The following ZC3H12C variants were observed in gnomAD, a reference collection of about 807,000 sequenced individuals.
The protein encoded by ZC3H12C is probable ribonuclease ZC3H12C.
ZC3H12C carries 20 observed loss-of-function variants against 76.3 expected under a neutral mutation model. The observed-to-expected ratio is 0.26, with a 90% CI of 0.18 to 0.38. ZC3H12C has a LOEUF of 0.38. Ranked by LOEUF, ZC3H12C falls within the 10% of genes least tolerant of loss-of-function variation. ZC3H12C has a pLI of 1.00. For synonymous variants in ZC3H12C, 352 were observed against 399.6 expected, an observed-to-expected ratio of 0.88 and a Z score of 1.42; for missense variants, 874 against 1,086.5, an observed-to-expected ratio of 0.80 and a Z score of 2.75.
At chr11:110,110,542 G>T (rs1861407122) in intron 1 of ZC3H12C, among the ~76,000 whole-genome samples, 1 of 152,184 alleles carries the variant, frequency 6.6e-6, no homozygotes, top group Non-Finnish European at 1.5e-5. Context: ...TGGATGGAAT[G>T]AATAAACTGC....
chr11:110,107,847 G>C (rs1861359306), intron 1 of ZC3H12C, among the ~76,000 whole-genome samples: 1 of 151,912 alleles, frequency 6.6e-6, no homozygotes, highest in Non-Finnish European at 1.5e-5. Flanking sequence ...ATTTTTTGTA[G>C]AGACAAGGTT....
chr11:110,165,022 G>T lies in ZC3H12C; in HGVS notation c.1937G>T (p.Arg646Leu). 1.2e-6 allele frequency: 2 copies of T among 1,613,930 alleles called. No homozygotes were observed. The highest frequency in any genetic ancestry group is 1.6e-4 in the Middle Eastern group (1 of 6,062). ...SSDSYVGYND[R>L]SYVSSPDPQL... The stretch of plus-strand genomic sequence containing the variant: ...GACTCCTACGTGGGTTACAATGACC[G>T]GTCCTATGTCAGCTCCCCCGACCCA... The change falls in exon 6 of 6, where the codon CGG (arginine) becomes CTG (leucine). Residue 646 changes from arginine (R) to leucine (L), a missense_variant. Coordinates refer to ENST00000278590, the MANE Select transcript of ZC3H12C (RefSeq NM_033390.2).
chr11:110,152,037 G>A lies in ZC3H12C; in HGVS notation c.774-882G>A, dbSNP rs535354299. On this transcript the variant is annotated intron_variant, in intron 2 of 5. Transcript: ENST00000278590. ...CATCCTAAGAAGAAAAAATATCTCC[G>A]TTATAGATAACAAATGGAGCCCTCA... 1.4e-4 allele frequency among the ~76,000 whole-genome samples: 21 copies of A among 152,186 alleles called. No homozygotes were observed. In the East Asian group the frequency reaches 1.9e-3, roughly 14 times the overall value.
intron 4 of ZC3H12C, among the ~76,000 whole-genome samples, chr11:110,160,351 T>C (rs1052919575): frequency 3.9e-5 from 6 of 152,182 alleles, no homozygotes; most frequent in African/African-American, 1.4e-4. Context: ...AATAATATAT[T>C]AACCTTGGCT....
chr11:110,150,989 C>G (rs139375225), intron 2 of ZC3H12C, among the ~76,000 whole-genome samples: 2 of 152,198 alleles, frequency 1.3e-5, no homozygotes, highest in Non-Finnish European at 2.9e-5. Context: ...CCACAGATTC[C>G]TAAACACATG....
intron 2 of ZC3H12C, among the ~76,000 whole-genome samples, chr11:110,140,002 T>C (rs957049619): frequency 6.6e-6 from 1 of 151,896 alleles, no homozygotes; most frequent in Non-Finnish European, 1.5e-5. Context: ...TGACTTGTCG[T>C]TAAGAAAATA....
chr11:110,131,421 G>T, intron 1 of ZC3H12C: 1 of 321,622 alleles, frequency 3.1e-6, no homozygotes, highest in Non-Finnish European at 5.7e-6. Context: ...GATAAATGGT[G>T]GATTTAAATC....
At chr11:110,113,477 A>C (rs1021070830) in intron 1 of ZC3H12C, among the ~76,000 whole-genome samples, 1 of 152,244 alleles carries the variant, frequency 6.6e-6, no homozygotes, top group African/African-American at 2.4e-5. Context: ...ACTGTACCAC[A>C]ATTTTTAATA....
chr11:110,157,430 C>CTTT (rs1238127792), intron 3 of ZC3H12C, among the ~76,000 whole-genome samples: 9 of 114,048 alleles, frequency 7.9e-5, no homozygotes, highest in East Asian at 5.1e-4. Flanking sequence ...AAGGTCTGGT[C>CTTT]TTTTTTTTTT....
chr11:110,151,548 G>T (rs557473698), intron 2 of ZC3H12C, among the ~76,000 whole-genome samples: 16 of 152,182 alleles, frequency 1.1e-4, no homozygotes, highest in Non-Finnish European at 2.2e-4. Flanking sequence ...GGAATACTTG[G>T]TACATGTGTT....
At chr11:110,141,648 A>G (rs1318282397) in intron 2 of ZC3H12C, among the ~76,000 whole-genome samples, 1 of 152,134 alleles carries the variant, frequency 6.6e-6, no homozygotes, top group Non-Finnish European at 1.5e-5. Flanking sequence ...AATTCATACA[A>G]ATTTGTTTTT....
rs1384089228 is a variant in ZC3H12C, at chr11:110,141,596, A to G, written c.773+4182A>G. 3.3e-5 allele frequency among the ~76,000 whole-genome samples: 5 copies of G among 152,306 alleles called. No homozygotes were observed. In the East Asian group the frequency reaches 9.6e-4, roughly 29 times the overall value. ...TAAAATCATCCTGGACACCTAGTCC[A>G]AATGTATGGTTTAGACTACAAATGA... On this transcript the variant is annotated intron_variant, in intron 2 of 5. Transcript: ENST00000278590.
rs1356392345 is a variant in ZC3H12C at position 110,167,959 on chromosome 11, CTTTTA to C, written c.*2228_*2232del. 6.6e-6 allele frequency: 1 copy of C among 152,094 alleles called. No homozygotes were observed. The highest frequency in any genetic ancestry group is 2.4e-5 in the African/African-American group (1 of 41,418). The allele number at this position is 152,094 out of a possible 1,614,324, so 9.4% of individuals were successfully genotyped here. A position where few individuals can be genotyped will look rare whatever the true frequency, so the allele number is the denominator to read the frequency against. On this transcript the variant is annotated 3_prime_UTR_variant, in exon 6 of 6. Coordinates refer to ENST00000278590, the MANE Select transcript of ZC3H12C (RefSeq NM_033390.2). ...AAACAGGGTTACAAATGTGTAGTAT[CTTTTA>C]TTTTAGTCATATTCTAAGACTTCTT... is the stretch of plus-strand genomic sequence containing the variant.
chr11:110,097,916 G>A (rs1298306061), intron 1 of ZC3H12C, among the ~76,000 whole-genome samples: 2 of 152,180 alleles, frequency 1.3e-5, no homozygotes, highest in Admixed American at 6.5e-5. Flanking sequence ...CAAACCTACA[G>A]TGCTGCTGAT....
chr11:110,159,631 G>A lies in ZC3H12C; in HGVS notation c.1148+141G>A, dbSNP rs1420702600. The A allele has an allele frequency of 6.7e-6, 5 of 745,086 alleles. No homozygotes were observed. In the Admixed American group the frequency reaches 8.3e-5, roughly 12 times the overall value. The allele number at this position is 745,086 out of a possible 1,614,324, so 46.2% of individuals were successfully genotyped here. A position where few individuals can be genotyped will look rare whatever the true frequency, so the allele number is the denominator to read the frequency against. ...CAACTGATCTCCCCACTGATCCTCA[G>A]TGGGAGTCAGGAAAACTGCAGAATC... On this transcript the variant is annotated intron_variant, in intron 4 of 5. Coordinates refer to ENST00000278590, the MANE Select transcript of ZC3H12C (RefSeq NM_033390.2).
At chr11:110,156,396 A>G (rs1424397341) in intron 3 of ZC3H12C, among the ~76,000 whole-genome samples, 1 of 152,256 alleles carries the variant, frequency 6.6e-6, no homozygotes, top group Non-Finnish European at 1.5e-5. Flanking sequence ...TGCTGTGCTA[A>G]GAACTAGAAA....
chr11:110,123,686 A>C (rs1383691500), intron 1 of ZC3H12C, among the ~76,000 whole-genome samples: 2 of 152,206 alleles, frequency 1.3e-5, no homozygotes, highest in Non-Finnish European at 2.9e-5. Flanking sequence ...GTCTGATTAG[A>C]GTTAATTCAT....
At chr11:110,094,172 G>C (rs1224936456) in intron 1 of ZC3H12C, among the ~76,000 whole-genome samples, 1 of 152,150 alleles carries the variant, frequency 6.6e-6, no homozygotes, top group Non-Finnish European at 1.5e-5. Context: ...TGATTACTCT[G>C]TCTGGGGTTC....
rs1861815085 is a variant in ZC3H12C, at chr11:110,129,223, A to G, written c.22-7440A>G. On this transcript the variant is annotated intron_variant, in intron 1 of 5. Transcript: ENST00000278590. The stretch of plus-strand genomic sequence containing the variant: ...TCCTACCATTTTTAGAATGGCATAC[A>G]TCAATAAAATATTGGAACTCTCTTG... Among the ~76,000 whole-genome samples, 5 of 152,326 alleles carry G rather than the reference A, an allele frequency of 3.3e-5. No homozygotes were observed. In the South Asian group the frequency reaches 1.0e-3, roughly 32 times the overall value.
Sources: allele counts gnomAD v4.1 joint callset (sites outside exome capture counted in the v4.1 genomes callset), GRCh38; gene constraint gnomAD v4.1.1; transcripts MANE v1.5; gene names NCBI Gene and HGNC (gene_info 2026-07-23, HGNC 2026-07-21).